The following SYN2 variants were observed in gnomAD, a reference collection of about 807,000 sequenced individuals.
SYN2 encodes the protein synapsin-2.
A neutral mutation model predicts 50.9 loss-of-function variants in SYN2; 19 were observed. The ratio of observed to expected loss-of-function variants is 0.37; its 90% CI spans 0.26 to 0.55. The LOEUF is 0.55. SYN2 is among the 20% of genes least tolerant of loss of function. The pLI, the probability that SYN2 is intolerant of heterozygous loss-of-function variation, is 0.81. For missense variants in SYN2, 587 were observed against 576.4 expected (o/e 1.02, Z -0.19); for synonymous variants, 255 against 224.9 (o/e 1.13, Z -1.20).
At chr3:12,103,970 CAT>C (rs1696127111) in intron 1 of SYN2, among the ~76,000 whole-genome samples, 3 of 152,044 alleles carry the variant, frequency 2.0e-5, no homozygotes, top group East Asian at 3.9e-4. Context: ...TTAGAAATAA[CAT>C]ATAAAACACA....
At chr3:12,054,216 T>G (rs567662106) in intron 1 of SYN2, among the ~76,000 whole-genome samples, 2 of 152,210 alleles carry the variant, frequency 1.3e-5, no homozygotes, top group Non-Finnish European at 2.9e-5. Context: ...GGAAAGGGGC[T>G]CTATCTGTTG....
chr3:12,165,329 A>T (rs970264534), intron 7 of SYN2: 2 of 152,146 alleles, frequency 1.3e-5, no homozygotes, highest in African/African-American at 4.8e-5. Context: ...CAAATGTATG[A>T]TATGGTGATG....
At chr3:12,074,153 G>A (rs1247678378) in intron 1 of SYN2, among the ~76,000 whole-genome samples, 1 of 151,952 alleles carries the variant, frequency 6.6e-6, no homozygotes, top group Non-Finnish European at 1.5e-5. Context: ...CTATCATATA[G>A]TTTTGTCTAA....
chr3:12,111,851 A>G (rs1263387810), intron 1 of SYN2, among the ~76,000 whole-genome samples: 1 of 152,134 alleles, frequency 6.6e-6, no homozygotes, highest in Non-Finnish European at 1.5e-5. Context: ...ATCCTTGGCT[A>G]GTGTAGTGTG....
Position 12,183,296 on chromosome 3 carries a change from C to G in SYN2, c.1309-16C>G, listed in dbSNP as rs754189413. 1.3e-6 allele frequency: 2 copies of G among 1,595,118 alleles called. No individual in the cohort carries two copies. The highest frequency in any genetic ancestry group is 1.7e-6 in the Non-Finnish European group (2 of 1,174,560). ...CTTGGAGTTTTGTTTTTATCTCTTA[C>G]ATTTTTGTCTTCCAGAGCGGAACAC... On this transcript the variant is annotated splice_polypyrimidine_tract_variant and intron_variant, in intron 10 of 12. Coordinates refer to ENST00000621198, the MANE Select transcript of SYN2 (RefSeq NM_133625.6).
intron 7 of SYN2, among the ~76,000 whole-genome samples, chr3:12,166,931 A>G (rs1344353445): frequency 6.6e-6 from 1 of 152,264 alleles, no homozygotes; most frequent in African/African-American, 2.4e-5. Flanking sequence ...ATTGAAAATC[A>G]GGCAGAAGCA....
At chr3:12,056,823 A>G (rs1393084313) in intron 1 of SYN2, among the ~76,000 whole-genome samples, 1 of 152,162 alleles carries the variant, frequency 6.6e-6, no homozygotes, top group Admixed American at 6.5e-5. Flanking sequence ...TGTCTATAGT[A>G]TCTAGCCTTC....
intron 11 of SYN2, chr3:12,183,961 T>C (rs1698284827): frequency 1.0e-6 from 1 of 987,804 alleles, no homozygotes; most frequent in Non-Finnish European, 1.2e-6. Flanking sequence ...TGTAACTAGA[T>C]AGAACATTAA....
intron 10 of SYN2, among the ~76,000 whole-genome samples, chr3:12,173,336 C>G (rs1697979266): frequency 6.6e-6 from 1 of 152,202 alleles, no homozygotes; most frequent in Non-Finnish European, 1.5e-5. Flanking sequence ...GACTATGGAG[C>G]TGTCAAACTA....
Position 12,158,579 on chromosome 3 carries a change from C to T in SYN2, c.775-2967C>T, listed in dbSNP as rs185291935. ...GTCCTTCTCCACCCATCAGCCTCAG[C>T]AAGAGACAACCGGTAAGAATTTGAG... is the stretch of plus-strand genomic sequence containing the variant. On this transcript the variant is annotated intron_variant, in intron 5 of 12. Coordinates refer to ENST00000621198, the MANE Select transcript of SYN2 (RefSeq NM_133625.6). The T allele has an allele frequency of 8.0e-4, 1,162 of 1,444,818 alleles. 2 individuals are homozygous for T. Among genetic ancestry groups the T allele is most frequent in the Non-Finnish European group, 1.0e-3 (1,097 of 1,070,248 alleles). The allele number at this position is 1,444,818 out of a possible 1,614,324, so 89.5% of individuals were successfully genotyped here. A position where few individuals can be genotyped will look rare whatever the true frequency, so the allele number is the denominator to read the frequency against.
intron 1 of SYN2, among the ~76,000 whole-genome samples, chr3:12,075,085 A>T (rs760781718): frequency 6.6e-6 from 1 of 152,218 alleles, no homozygotes; most frequent in Middle Eastern, 3.4e-3. Flanking sequence ...ATGTACTGTC[A>T]TTAATCTATT....
chr3:12,152,622 C>G (rs1158786870), intron 5 of SYN2, among the ~76,000 whole-genome samples: 1 of 152,198 alleles, frequency 6.6e-6, no homozygotes, highest in Non-Finnish European at 1.5e-5. Context: ...CTCCGGTGCT[C>G]TATCCTGAAA....
At chr3:12,150,326 A>G (rs1697251468) in intron 4 of SYN2, among the ~76,000 whole-genome samples, 1 of 152,156 alleles carries the variant, frequency 6.6e-6, no homozygotes, top group Non-Finnish European at 1.5e-5. Flanking sequence ...AAAGTCCTGT[A>G]TTTCCTGTGG....
At chr3:12,044,262 C>T (rs1298470600) in intron 1 of SYN2, among the ~76,000 whole-genome samples, 1 of 151,534 alleles carries the variant, frequency 6.6e-6, no homozygotes, top group Non-Finnish European at 1.5e-5. Context: ...GGCAGTAAGA[C>T]ATGAACATGA....
intron 2 of SYN2, 123 bp downstream of exon 2, chr3:12,140,831 A>G: frequency 1.4e-6 from 1 of 698,440 alleles, no homozygotes; most frequent in Non-Finnish European, 2.7e-6. Flanking sequence ...TGGACTCTGC[A>G]TCTCCTCTCT....
chr3:12,052,422 C>T (rs1299011931), intron 1 of SYN2, among the ~76,000 whole-genome samples: 1 of 151,928 alleles, frequency 6.6e-6, no homozygotes, highest in Admixed American at 6.5e-5. Context: ...TATAAAGTTA[C>T]ATTAGAATTT....
At chr3:12,142,017 AGGAT>A (rs1697030409) in intron 3 of SYN2, 21 bp downstream of exon 3, 1 of 780,374 alleles carries the variant, frequency 1.3e-6, no homozygotes, top group Non-Finnish European at 2.4e-6. Flanking sequence ...TTCTGTCCTC[AGGAT>A]CATTGTGACT....
At chr3:12,186,060 C>T (rs867602327) in intron 11 of SYN2, among the ~76,000 whole-genome samples, 12 of 152,194 alleles carry the variant, frequency 7.9e-5, no homozygotes, top group African/African-American at 2.2e-4. Flanking sequence ...TAGTGGGGAA[C>T]TGAGCGGATA....
intron 1 of SYN2, among the ~76,000 whole-genome samples, chr3:12,068,685 T>G (rs567120804): frequency 1.4e-4 from 20 of 142,760 alleles, no homozygotes; most frequent in African/African-American, 3.0e-4. Flanking sequence ...CATTTCTGAG[T>G]TTTTTTTTCT....
Sources: allele counts gnomAD v4.1 joint callset (sites outside exome capture counted in the v4.1 genomes callset), GRCh38; gene constraint gnomAD v4.1.1; transcripts MANE v1.5; gene names NCBI Gene and HGNC (gene_info 2026-07-23, HGNC 2026-07-21).